The following STK11IP variants were observed in gnomAD, a reference collection of about 807,000 sequenced individuals.
STK11IP encodes the protein serine/threonine kinase 11 interacting protein.
Under a neutral mutation model 131.7 loss-of-function variants are expected in STK11IP, and 103 were observed. The ratio of observed to expected loss-of-function variants is 0.78; its 90% confidence interval spans 0.67 to 0.92. The LOEUF is 0.92. Among genes scored for constraint, STK11IP ranks in the 40% least tolerant of loss-of-function variants. The pLI is 0.00. For synonymous variants in STK11IP, 557 were observed against 575.6 expected (o/e 0.97, Z 0.46); for missense variants, 1,315 against 1,385.7 (o/e 0.95, Z 0.81).
intron 21 of STK11IP, 31 bp from the exon 22 acceptor site, chr2:219,614,129 CT>C: frequency 6.2e-7 from 1 of 1,611,624 alleles, no homozygotes; most frequent in Non-Finnish European, 8.5e-7. Context: ...AGAGCAGAGC[CT>C]TCTAAAGTTC....
intron 2 of STK11IP, among the ~76,000 whole-genome samples, chr2:219,599,123 G>A (rs545897722): frequency 3.3e-5 from 5 of 152,118 alleles, no homozygotes; most frequent in African/African-American, 1.2e-4. Flanking sequence ...GAGTCTTGCT[G>A]TGTCACCCAG....
Position 219,615,116 on chromosome 2 carries a change from C to G in STK11IP, c.2892C>G (p.Ser964=). The G allele has an allele frequency of 2.5e-6, 4 of 1,609,724 alleles. No homozygotes were observed. Among genetic ancestry groups the G allele is most frequent in the African/African-American group, 1.3e-5 (1 of 75,020 alleles). The part of the protein sequence containing the change: ...LVEGPSTCLV[S]LLLTPSTLFL... ...CAGGCCCTTCCACCTGCCTCGTATC[C>G]CTGTTGCTGACTCCGTCCACCCTGT... Residue 964 remains serine, a synonymous_variant, in exon 24 of 25, where the codon TCC becomes TCG. Transcript: ENST00000456909.
At chr2:219,614,846 A>C in intron 23 of STK11IP, 1 of 622,772 alleles carries the variant, frequency 1.6e-6, no homozygotes, top group Non-Finnish European at 2.8e-6. Context: ...ACAGAAGGAG[A>C]GGGTGGAGCC....
chr2:219,610,551 C>T (rs1483758502), intron 17 of STK11IP, among the ~76,000 whole-genome samples: 5 of 152,114 alleles, frequency 3.3e-5, no homozygotes, highest in Non-Finnish European at 5.9e-5. Flanking sequence ...TACAGGCGCC[C>T]ACCACCACAC....
chr2:219,616,077 G>A lies in STK11IP; in HGVS notation c.3151G>A (p.Val1051Met). The change falls in exon 25 of 25, where the codon GTG (valine) becomes ATG (methionine). Residue 1051 changes from valine to methionine, a missense_variant. Transcript: ENST00000456909. The stretch of plus-strand genomic sequence containing the variant: ...GCTGGAGAGCTTTTGGGCACTCCGT[G>A]TGGTGTGTCAGGAGCAGCTGACAGC... ...SRLESFWALR[V>M]VCQEQLTALL... 6.2e-7 allele frequency: 1 copy of A among 1,613,924 alleles called. No individual in the cohort carries two copies. The highest frequency in any genetic ancestry group is 8.5e-7 in the Non-Finnish European group (1 of 1,179,900).
At chr2:219,605,881 C>T (rs1559179431) in intron 8 of STK11IP, 75 bp from the exon 9 acceptor site, 3 of 1,474,954 alleles carry the variant, frequency 2.0e-6, no homozygotes, top group East Asian at 2.4e-5. Flanking sequence ...GCTGCAACCT[C>T]CCCCAGTGCA....
chr2:219,598,040 CT>C, intron 1 of STK11IP, 53 bp from the exon 2 acceptor site: 1 of 1,566,354 alleles, frequency 6.4e-7, no homozygotes, highest in Non-Finnish European at 8.7e-7. Flanking sequence ...ACGCCCTGGG[CT>C]TTTGGCACTA....
chr2:219,609,707 A>G (rs1017860540), intron 17 of STK11IP, 167 bp downstream of exon 17: 3 of 764,002 alleles, frequency 3.9e-6, no homozygotes, highest in Non-Finnish European at 6.3e-6. Context: ...CTGCATTTAC[A>G]AAAAGGAAAA....
chr2:219,598,077 C>T lies in STK11IP; in HGVS notation c.-26-17C>T, dbSNP rs372296727. On this transcript the variant is annotated splice_polypyrimidine_tract_variant and intron_variant, in intron 1 of 24. Coordinates refer to ENST00000456909, the MANE Select transcript of STK11IP (RefSeq NM_052902.4). The stretch of plus-strand genomic sequence containing the variant: ...CCGCCCACCTGAGGCTCTTCCGCTT[C>T]CTCTTTCCCCCCCCAGGCTCCGCCC... The T allele has an allele frequency of 7.5e-5, 119 of 1,577,576 alleles. No individual in the cohort carries two copies. The highest frequency in any genetic ancestry group is 9.8e-5 in the Non-Finnish European group (114 of 1,162,518).
intron 7 of STK11IP, among the ~76,000 whole-genome samples, chr2:219,603,030 T>G (rs1419716943): frequency 6.7e-6 from 1 of 149,826 alleles, no homozygotes; most frequent in Non-Finnish European, 1.5e-5. Context: ...ATCACAAGAG[T>G]ACCTGGTTTT....
Position 219,606,840 on chromosome 2 carries a change from C to A in STK11IP, c.1116C>A (p.Pro372=), listed in dbSNP as rs1027610280. The A allele has an allele frequency of 1.9e-6, 3 of 1,612,218 alleles. No individual in the cohort carries two copies. The African/African-American group carries it at 4.0e-5, about 22-fold the overall frequency. ...CCTCAGGGGGTGTTGTGACCCAGCC[C>A]CTGCTTCATAAGGTTAAGGTAAGCA... ...SLSSGGVVTQ[P]LLHKVKSRVR... Residue 372 remains proline (P), a synonymous_variant, in exon 12 of 25, where the codon CCC becomes CCA. Coordinates refer to ENST00000456909, the MANE Select transcript of STK11IP (RefSeq NM_052902.4).
In STK11IP at chr2:219,611,847, A is replaced by G. The variant is rs763560891; in HGVS notation, c.2335+13A>G. 26 of 1,604,840 alleles carry G rather than the reference A, an allele frequency of 1.6e-5. No individual in the cohort carries two copies. The highest frequency in any genetic ancestry group is 1.6e-4 in the Middle Eastern group (1 of 6,068). ...AGCCTCAGTCCCCGTGAGTATAGGCAAAACAAGACATAGATGAGTTTGGGG... is the reference window on the plus strand; with the variant it reads ...AGCCTCAGTCCCCGTGAGTATAGGCGAAACAAGACATAGATGAGTTTGGGG... On this transcript the variant is annotated intron_variant, in intron 18 of 24. Transcript: ENST00000456909.
chr2:219,609,913 T>C (rs2106161123), intron 17 of STK11IP, among the ~76,000 whole-genome samples: 1 of 152,294 alleles, frequency 6.6e-6, no homozygotes, highest in South Asian at 2.1e-4. Flanking sequence ...AGTATTGGAT[T>C]GTGGTGCTGC....
intron 7 of STK11IP, among the ~76,000 whole-genome samples, chr2:219,604,740 G>A (rs924649528): frequency 6.6e-6 from 1 of 152,104 alleles, no homozygotes; most frequent in Non-Finnish European, 1.5e-5. Flanking sequence ...TAGTTTGAAT[G>A]TTTGTGGTGA....
chr2:219,612,632 C>T (rs57963721), intron 19 of STK11IP, among the ~76,000 whole-genome samples: 5,799 of 152,198 alleles, frequency 0.038, 350 homozygotes, highest in African/African-American at 0.13. Context: ...TAAAGGAAGC[C>T]GCAAATGCAT....
intron 2 of STK11IP, among the ~76,000 whole-genome samples, chr2:219,599,544 A>G (rs899674137): frequency 3.7e-4 from 56 of 152,308 alleles, no homozygotes; most frequent in Admixed American, 9.1e-4. Flanking sequence ...AGAATCCTTC[A>G]TGTCAGGTTG....
intron 5 of STK11IP, 44 bp downstream of exon 5, chr2:219,602,127 A>G (rs1432360364): frequency 1.4e-6 from 2 of 1,416,212 alleles, no homozygotes; most frequent in East Asian, 2.4e-5. Flanking sequence ...AACTTGAGAG[A>G]TGTAGAAGAC....
chr2:219,602,028 G>T lies in STK11IP; in HGVS notation c.383G>T (p.Gly128Val). The change falls in exon 5 of 25, where the codon GGC (glycine) becomes GTC (valine). Residue 128 changes from glycine to valine, a missense_variant. Coordinates refer to ENST00000456909, the MANE Select transcript of STK11IP (RefSeq NM_052902.4). Reference sequence around the variant, plus strand: ...CTCCACTGTCTGCATGGCCTCCGAGGCATCTACTCCCAGCTGGAGACCCTG... The same window carrying T: ...CTCCACTGTCTGCATGGCCTCCGAGTCATCTACTCCCAGCTGGAGACCCTG... ...VPLHCLHGLR[G>V]IYSQLETLIC... 1 of 1,611,892 alleles carries T rather than the reference G, an allele frequency of 6.2e-7. No individual in the cohort carries two copies. The highest frequency in any genetic ancestry group is 8.5e-7 in the Non-Finnish European group (1 of 1,179,196).
At chr2:219,610,554 C>T (rs1416711833) in intron 17 of STK11IP, among the ~76,000 whole-genome samples, 1 of 152,180 alleles carries the variant, frequency 6.6e-6, no homozygotes, top group Non-Finnish European at 1.5e-5. Context: ...AGGCGCCCAC[C>T]ACCACACCCA....
Sources: gnomAD v4.1 joint callset for allele counts (sites outside exome capture counted in the v4.1 genomes callset) on GRCh38, gnomAD v4.1.1 for gene constraint, MANE v1.5 for transcripts, NCBI Gene and HGNC (gene_info 2026-07-23, HGNC 2026-07-21) for gene names.